The following MGAT4C variants were observed in gnomAD, a reference collection of about 807,000 sequenced individuals.
MGAT4C encodes MGAT4 family member C, also known as alpha-1,3-mannosyl-glycoprotein 4-beta-N-acetylglucosaminyltransferase C.
A neutral mutation model predicts 40.1 loss-of-function variants in MGAT4C; 19 were observed. That is an observed-to-expected ratio of 0.47 (90% CI 0.33 to 0.70). The LOEUF is 0.70. MGAT4C is among the 30% of genes least tolerant of loss of function. MGAT4C has a pLI of 0.02. For synonymous variants in MGAT4C, 181 were observed against 187.1 expected, an observed-to-expected ratio of 0.97 and a Z score of 0.27; for missense variants, 491 against 563.2, an observed-to-expected ratio of 0.87 and a Z score of 1.30.
intron 2 of MGAT4C, among the ~76,000 whole-genome samples, chr12:86,515,797 C>T (rs1314549464): frequency 6.8e-6 from 1 of 146,440 alleles, no homozygotes; most frequent in Non-Finnish European, 1.5e-5. Flanking sequence ...GGCTGGAGTG[C>T]AGTGGCGCGA....
intron 2 of MGAT4C, among the ~76,000 whole-genome samples, chr12:86,593,124 A>G (rs1961398697): frequency 6.6e-6 from 1 of 151,572 alleles, no homozygotes; most frequent in African/African-American, 2.4e-5. Flanking sequence ...GATTTTTTAT[A>G]GGAAGTTGTC....
intron 4 of MGAT4C, among the ~76,000 whole-genome samples, chr12:86,292,834 G>T (rs1486105094): frequency 6.7e-6 from 1 of 149,180 alleles, no homozygotes; most frequent in African/African-American, 2.5e-5. Flanking sequence ...TAAAAGAAAT[G>T]ACTGTTTTTT....
chr12:86,642,377 G>T (rs1963417211), intron 2 of MGAT4C, among the ~76,000 whole-genome samples: 1 of 151,754 alleles, frequency 6.6e-6, no homozygotes, highest in Non-Finnish European at 1.5e-5. Context: ...CTACAGGAGA[G>T]GGTTAGAACA....
chr12:86,807,011 G>GTATATA (rs35425728), intron 1 of MGAT4C, among the ~76,000 whole-genome samples: 1 of 149,718 alleles, frequency 6.7e-6, no homozygotes, highest in African/African-American at 2.4e-5. Context: ...AAAATAAAAA[G>GTATATA]TATATATATA....
chr12:86,479,081 C>T (rs1471010889), intron 2 of MGAT4C, among the ~76,000 whole-genome samples: 1 of 151,960 alleles, frequency 6.6e-6, no homozygotes, highest in Non-Finnish European at 1.5e-5. Context: ...AACACTTCCT[C>T]ATATCTTAAA....
intron 1 of MGAT4C, among the ~76,000 whole-genome samples, chr12:86,835,907 T>G (rs903295362): frequency 6.6e-6 from 1 of 151,544 alleles, no homozygotes; most frequent in Admixed American, 6.6e-5. Flanking sequence ...TCAAATTAAT[T>G]TCAACTAGAA....
chr12:86,703,150 G>T (rs1950393802), intron 2 of MGAT4C, among the ~76,000 whole-genome samples: 1 of 152,156 alleles, frequency 6.6e-6, no homozygotes, highest in Non-Finnish European at 1.5e-5. Context: ...GTAAATAGAT[G>T]AGGAATTGCT....
intron 1 of MGAT4C, among the ~76,000 whole-genome samples, chr12:86,815,109 T>TTGAC (rs1952574262): frequency 1.3e-5 from 2 of 151,902 alleles, no homozygotes; most frequent in South Asian, 4.1e-4. Context: ...TAGTTACAGT[T>TTGAC]TGACTTCCTC....
At chr12:86,353,585 C>CT in intron 3 of MGAT4C, among the ~76,000 whole-genome samples, 1 of 152,252 alleles carries the variant, frequency 6.6e-6, no homozygotes, top group East Asian at 1.9e-4. Context: ...TTGACTTTCT[C>CT]TTTTTACTCT....
At chr12:86,612,475 C>T (rs1278038327) in intron 2 of MGAT4C, among the ~76,000 whole-genome samples, 1 of 151,960 alleles carries the variant, frequency 6.6e-6, no homozygotes, top group Non-Finnish European at 1.5e-5. Flanking sequence ...GTGGGCCAGG[C>T]GCGGTGGCTC....
At chr12:86,385,803 A>G (rs542380699) in intron 3 of MGAT4C, among the ~76,000 whole-genome samples, 1 of 152,160 alleles carries the variant, frequency 6.6e-6, no homozygotes, top group East Asian at 1.9e-4. Flanking sequence ...TTAAATTCAG[A>G]TAATACCTCC....
At chr12:86,215,943 T>C (rs1566161362) in intron 1 of MGAT4C, among the ~76,000 whole-genome samples, 2 of 152,110 alleles carry the variant, frequency 1.3e-5, no homozygotes, top group Non-Finnish European at 2.9e-5. Context: ...TCAAATTTAT[T>C]TGAGCAATTT....
Position 86,049,773 on chromosome 12 carries a change from CT to C in MGAT4C, c.-56-51del, listed in dbSNP as rs1892727674. The C allele has an allele frequency of 4.3e-6, 3 of 697,326 alleles. No homozygotes were observed. In the South Asian group the frequency reaches 1.9e-4, roughly 45 times the overall value. The allele number at this position is 697,326 out of a possible 1,614,324, so 43.2% of individuals were successfully genotyped here. A position where few individuals can be genotyped will look rare whatever the true frequency, so the allele number is the denominator to read the frequency against. Reference sequence around the variant, plus strand: ...ACTAATACAACCCACTGGTTTCTTGCTGATAAAAGTAAAATAAAAAGTATTC... The same window carrying C: ...ACTAATACAACCCACTGGTTTCTTGCGATAAAAGTAAAATAAAAAGTATTC... On this transcript the variant is annotated intron_variant, in intron 1 of 4. Transcript: ENST00000611864.
intron 1 of MGAT4C, among the ~76,000 whole-genome samples, chr12:86,242,710 C>G (rs1294772040): frequency 6.6e-6 from 1 of 151,980 alleles, no homozygotes; most frequent in African/African-American, 2.4e-5. Context: ...AAGGGGGTGG[C>G]TGAAAACCTA....
chr12:86,643,256 C>T lies in MGAT4C; in HGVS notation c.-229+83953G>A, dbSNP rs148958159. Among the ~76,000 whole-genome samples the T allele has an allele frequency of 7.2e-5, 11 of 151,836 alleles. No homozygotes were observed. The East Asian group carries it at 2.1e-3, about 30-fold the overall frequency. On this transcript the variant is annotated intron_variant, in intron 2 of 7. Coordinates refer to the MGAT4C transcript ENST00000548651. ...GGCAGAGCCGCCATGACCTATACAC[C>T]TGCCGTTAGGTCCCACTTCTCAACA... is the stretch of plus-strand genomic sequence containing the variant.
chr12:86,823,816 T>C (rs1379027239), intron 1 of MGAT4C, among the ~76,000 whole-genome samples: 8 of 151,192 alleles, frequency 5.3e-5, no homozygotes, highest in Non-Finnish European at 1.2e-4. Context: ...CAGAAAACAG[T>C]AGAAGTGAAA....
intron 1 of MGAT4C, among the ~76,000 whole-genome samples, chr12:86,824,753 AAGAGAG>A (rs145243875): frequency 7.0e-6 from 1 of 143,376 alleles, no homozygotes; most frequent in Non-Finnish European, 1.5e-5. Flanking sequence ...AAAAAAAAAA[AAGAGAG>A]AGAGAGAGAA....
chr12:86,038,629 C>A (rs1592749764), intron 2 of MGAT4C, among the ~76,000 whole-genome samples: 2 of 149,286 alleles, frequency 1.3e-5, no homozygotes, highest in Non-Finnish European at 3.0e-5. Flanking sequence ...TTATATGTGT[C>A]TTTGCATGTG....
chr12:86,133,739 T>C (rs1881563081), intron 1 of MGAT4C, among the ~76,000 whole-genome samples: 2 of 152,112 alleles, frequency 1.3e-5, no homozygotes, highest in Non-Finnish European at 2.9e-5. Flanking sequence ...AAATCTCCTT[T>C]AATAAGCATT....
Sources: gnomAD v4.1 joint callset for allele counts (sites outside exome capture counted in the v4.1 genomes callset) on GRCh38, gnomAD v4.1.1 for gene constraint, MANE v1.5 for transcripts, NCBI Gene and HGNC (gene_info 2026-07-23, HGNC 2026-07-21) for gene names.